Variants in PDE2A observed in about 807,000 individuals in gnomAD.
The protein encoded by PDE2A is phosphodiesterase 2A, also known as cGMP-dependent 3',5'-cyclic phosphodiesterase.
PDE2A carries 53 observed loss-of-function variants against 133.6 expected under a neutral mutation model. The observed-to-expected ratio is 0.40, with a 90% confidence interval of 0.32 to 0.50. The LOEUF (loss-of-function observed/expected upper bound fraction) is 0.50. PDE2A is among the 20% of genes least tolerant of loss of function. The pLI, the probability that PDE2A is intolerant of heterozygous loss-of-function variation, is 0.73. For synonymous variants in PDE2A, 491 were observed against 490.2 expected (o/e 1.00, Z -0.02); for missense variants, 796 against 1,232.4 (o/e 0.65, Z 5.30).
intron 1 of PDE2A, among the ~76,000 whole-genome samples, chr11:72,646,984 G>A (rs1415837302): frequency 6.6e-6 from 1 of 152,104 alleles, no homozygotes; most frequent in African/African-American, 2.4e-5. Flanking sequence ...CATCTCCCCA[G>A]TCTATAATGC....
intron 16 of PDE2A, 175 bp downstream of exon 16, chr11:72,585,196 C>T (rs760282273): frequency 1.3e-5 from 9 of 672,294 alleles, no homozygotes; most frequent in Non-Finnish European, 2.3e-5. Context: ...CCTGTCCCTG[C>T]TGTATTGGAG....
chr11:72,590,548 C>A lies in PDE2A; in HGVS notation c.582G>T (p.Leu194=), dbSNP rs747419119. 1 of 1,431,642 alleles carries A rather than the reference C, an allele frequency of 7.0e-7. No homozygotes were observed. The highest frequency in any genetic ancestry group is 2.7e-5 in the East Asian group (1 of 37,540). The allele number at this position is 1,431,642 out of a possible 1,614,324, so 88.7% of individuals were successfully genotyped here. The change falls in exon 8 of 31, where the codon CTG becomes CTT. Residue 194 remains leucine, a synonymous_variant. Coordinates refer to ENST00000334456, the MANE Select transcript of PDE2A (RefSeq NM_002599.5). This position sits in a 1 kb window ranked among gnomAD's most constrained non-coding sequence, Gnocchi z 4.8. ...GAGCCTCCCTGGGCCCGCGCTGCTG[C>A]AGGACCTGCACCCTCCGCAGGGCGA... The part of the protein sequence containing the change: ...TLVALRRVQV[L]QQRGPREAPR...
intron 1 of PDE2A, among the ~76,000 whole-genome samples, chr11:72,663,275 G>A (rs1591142976): frequency 6.6e-6 from 1 of 152,158 alleles, no homozygotes; most frequent in South Asian, 2.1e-4. Context: ...AGGTGGCTTG[G>A]GGGGCTCCAG....
At chr11:72,599,997 C>T (rs1048506417) in intron 4 of PDE2A, among the ~76,000 whole-genome samples, 14 of 152,206 alleles carry the variant, frequency 9.2e-5, no homozygotes, top group African/African-American at 1.9e-4. Flanking sequence ...GTTATCGAGG[C>T]AGACAGGAAA....
At chr11:72,637,502 G>A (rs1480933014) in intron 2 of PDE2A, among the ~76,000 whole-genome samples, 1 of 152,262 alleles carries the variant, frequency 6.6e-6, no homozygotes, top group African/African-American at 2.4e-5. Context: ...AGGGCACTGT[G>A]CTCAAAGGAG....
At position 72,576,526 on chromosome 11, in the gene PDE2A, G is replaced by T; in HGVS notation, c.*858C>A. 1 of 167,596 alleles carries T rather than the reference G, an allele frequency of 6.0e-6. No individual in the cohort carries two copies. Among genetic ancestry groups the T allele is most frequent in the Non-Finnish European group, 1.5e-5 (1 of 68,354 alleles). The allele number at this position is 167,596 out of a possible 1,614,324, so 10.4% of individuals were successfully genotyped here. ...TCAGGGTTGGGCTCTCTGTGCCTTA[G>T]GGTTGCAGAAACATTCCATAGCCTC... is the stretch of plus-strand genomic sequence containing the variant. On this transcript the variant is annotated 3_prime_UTR_variant, in exon 31 of 31. Transcript: ENST00000334456.
At chr11:72,628,787 G>A (rs1388736121) in intron 2 of PDE2A, among the ~76,000 whole-genome samples, 1 of 152,204 alleles carries the variant, frequency 6.6e-6, no homozygotes, top group African/African-American at 2.4e-5. Flanking sequence ...GGCCATCTTG[G>A]CTTCCCAGAT....
intron 4 of PDE2A, among the ~76,000 whole-genome samples, chr11:72,602,140 T>C (rs982869063): frequency 6.6e-6 from 1 of 151,978 alleles, no homozygotes; most frequent in African/African-American, 2.4e-5. Context: ...GAGATGAAAG[T>C]GGAGCAGGGA....
chr11:72,612,454 T>C (rs1240319279), intron 2 of PDE2A, among the ~76,000 whole-genome samples: 1 of 152,044 alleles, frequency 6.6e-6, no homozygotes, highest in Non-Finnish European at 1.5e-5. Context: ...TTGTGGTGTG[T>C]AGAAAAGAGC....
At chr11:72,614,157 T>C (rs1358187590) in intron 2 of PDE2A, among the ~76,000 whole-genome samples, 1 of 151,986 alleles carries the variant, frequency 6.6e-6, no homozygotes, top group East Asian at 1.9e-4. Context: ...TCCTCCTCCT[T>C]CCTCCCCACA....
At chr11:72,623,508 C>G (rs1352819420) in intron 2 of PDE2A, among the ~76,000 whole-genome samples, 1 of 152,126 alleles carries the variant, frequency 6.6e-6, no homozygotes, top group African/African-American at 2.4e-5. Flanking sequence ...AACAAACCCC[C>G]CATGCCTGTC....
chr11:72,623,779 C>A (rs990117112), intron 2 of PDE2A, among the ~76,000 whole-genome samples: 2 of 152,108 alleles, frequency 1.3e-5, no homozygotes, highest in African/African-American at 2.4e-5. Context: ...CAAGTTCTGT[C>A]ATTTCTGTTT....
At position 72,578,181 on chromosome 11, in the gene PDE2A, C is replaced by T. The variant is rs1454679075; in HGVS notation, c.2615+52G>A. 4.1e-5 allele frequency: 49 copies of T among 1,182,858 alleles called. No individual in the cohort carries two copies. The highest frequency in any genetic ancestry group is 5.8e-5 in the Non-Finnish European group (46 of 787,936). The allele number at this position is 1,182,858 out of a possible 1,614,324, so 73.3% of individuals were successfully genotyped here. Reference sequence around the variant, plus strand: ...CTGTGTTTCCTGTGATGTCCCCACTCCAGCCTACCCTCTCTGTGCAGGGTG... The same window carrying T: ...CTGTGTTTCCTGTGATGTCCCCACTTCAGCCTACCCTCTCTGTGCAGGGTG... On this transcript the variant is annotated intron_variant, in intron 30 of 30. Coordinates refer to ENST00000334456, the MANE Select transcript of PDE2A (RefSeq NM_002599.5). This position sits in a 1 kb window ranked among gnomAD's most constrained non-coding sequence, Gnocchi z 4.2.
chr11:72,580,095 C>T (rs557441850), intron 25 of PDE2A, among the ~76,000 whole-genome samples: 1 of 152,064 alleles, frequency 6.6e-6, no homozygotes, highest in Admixed American at 6.5e-5. Flanking sequence ...GACAGAGAAC[C>T]TCGTCTCTGG....
In PDE2A at chr11:72,605,169, G is replaced by A. The variant is rs767075807; in HGVS notation, c.292C>T (p.Pro98Ser). ...TTCCCCTCCTGGGGCAGCTCATGTG[G>A]GGGGTCCTCACACACCAGCTGGGAC... ...GESQLVCEDP[P>S]HELPQEGKVR... Residue 98 changes from proline to serine, a missense_variant, in exon 4 of 31, where the codon CCA becomes TCA. Coordinates refer to ENST00000334456, the MANE Select transcript of PDE2A (RefSeq NM_002599.5). 2.5e-6 allele frequency: 4 copies of A among 1,611,178 alleles called. No individual in the cohort carries two copies. The highest frequency in any genetic ancestry group is 1.7e-5 in the Admixed American group (1 of 59,804).
Position 72,650,182 on chromosome 11 carries a change from C to T in PDE2A, c.72-7856G>A, listed in dbSNP as rs147774245. ...GATTACAGGCGCCTGCCATTACGCC[C>T]GGCTAATATTTGTATTTTTTGGTAG... On this transcript the variant is annotated intron_variant, in intron 1 of 30. Transcript: ENST00000334456. Among the ~76,000 whole-genome samples, 1,233 of 152,146 alleles carry T rather than the reference C, an allele frequency of 8.1e-3. 15 individuals are homozygous for T. Among genetic ancestry groups the T allele is most frequent in the African/African-American group, 0.028 (1,178 of 41,490 alleles).
chr11:72,666,627 G>A (rs1414054625), intron 1 of PDE2A, among the ~76,000 whole-genome samples: 1 of 152,188 alleles, frequency 6.6e-6, no homozygotes, highest in South Asian at 2.1e-4. Flanking sequence ...CACAGCAGGT[G>A]TCTGGGCCTT....
chr11:72,631,035 AC>A, intron 2 of PDE2A: 1 of 811,558 alleles, frequency 1.2e-6, no homozygotes, highest in Non-Finnish European at 2.0e-6. Flanking sequence ...TCTGCGCCCC[AC>A]CCCCTCAAGC....
chr11:72,663,635 A>G (rs575549345), intron 1 of PDE2A, among the ~76,000 whole-genome samples: 43 of 152,072 alleles, frequency 2.8e-4, no homozygotes, highest in African/African-American at 9.4e-4. Context: ...AGGCTGAGGC[A>G]GGACAATCAC....
Sources: allele counts gnomAD v4.1 joint callset (sites outside exome capture counted in the v4.1 genomes callset), GRCh38; gene constraint gnomAD v4.1.1; non-coding constraint Gnocchi (gnomAD v3.1); transcripts MANE v1.5; gene names NCBI Gene and HGNC (gene_info 2026-07-23, HGNC 2026-07-21).